Variants in ARHGAP20 observed in about 807,000 individuals in gnomAD.
ARHGAP20 encodes the protein Rho GTPase activating protein 20.
ARHGAP20 carries 34 observed loss-of-function variants against 73.7 expected under a neutral mutation model. The observed-to-expected ratio is 0.46, with a 90% CI of 0.35 to 0.61. The LOEUF (loss-of-function observed/expected upper bound fraction) is 0.61. ARHGAP20 is among the 20% of genes least tolerant of loss of function. The pLI, the probability that ARHGAP20 is intolerant of heterozygous loss-of-function variation, is 0.00. For synonymous variants in ARHGAP20, 523 were observed against 518.2 expected, an observed-to-expected ratio of 1.01 and a Z score of -0.13; for missense variants, 1,314 against 1,420.9, an observed-to-expected ratio of 0.92 and a Z score of 1.21.
intron 1 of ARHGAP20, among the ~76,000 whole-genome samples, chr11:110,707,005 T>C (rs1950562496): frequency 6.6e-6 from 1 of 152,120 alleles, no homozygotes; most frequent in South Asian, 2.1e-4. Flanking sequence ...GACACACACA[T>C]GGTCCAAGTT....
rs749349375 is a variant in ARHGAP20 at position 110,712,156 on chromosome 11, G to C, written c.76C>G (p.Arg26Gly). 3 of 1,366,270 alleles carry C rather than the reference G, an allele frequency of 2.2e-6. No homozygotes were observed. Among genetic ancestry groups the C allele is most frequent in the Non-Finnish European group, 1.9e-6 (2 of 1,054,036 alleles). 84.6% of individuals were successfully genotyped at this position (1,366,270 alleles called of 1,614,324 possible). The change falls in exon 1 of 15, where the codon CGG (arginine) becomes GGG (glycine). Residue 26 changes from arginine to glycine, a missense_variant. By Grantham distance (125) the Arg-to-Gly change is moderately radical. Transcript: ENST00000683387. ...GRSSSLTGVSRLAGGSCTKKK... is the reference protein window; with the variant it reads ...GRSSSLTGVSGLAGGSCTKKK... ...TTGGTGCAGCTGCCTCCCGCGAGCC[G>C]AGACACTCCTGTCAGGGAAGAGGAG...
At chr11:110,670,844 C>G (rs925910547) in intron 2 of ARHGAP20, among the ~76,000 whole-genome samples, 6 of 151,968 alleles carry the variant, frequency 3.9e-5, no homozygotes, top group African/African-American at 1.4e-4. Flanking sequence ...GGAGAACATT[C>G]CAATTAACTG....
chr11:110,635,907 T>C (rs2134971219), intron 2 of ARHGAP20, among the ~76,000 whole-genome samples: 1 of 152,202 alleles, frequency 6.6e-6, no homozygotes, highest in South Asian at 2.1e-4. Context: ...TTTCACTTGT[T>C]GAAACCGAGC....
rs1947313848 is a variant in ARHGAP20, at chr11:110,577,404, A to T, written c.*1966T>A. The stretch of plus-strand genomic sequence containing the variant: ...AACACAGATAGTAGGAATGGTTATT[A>T]AAAAACCTCAGCAACTATTTTCTTC... On this transcript the variant is annotated 3_prime_UTR_variant, in exon 15 of 15. Coordinates refer to ENST00000683387, the MANE Select transcript of ARHGAP20 (RefSeq NM_001384657.1). The T allele has an allele frequency of 8.7e-7, 1 of 1,153,510 alleles. No homozygotes were observed. The highest frequency in any genetic ancestry group is 1.1e-6 in the Non-Finnish European group (1 of 938,800). The allele number at this position is 1,153,510 out of a possible 1,614,324, so 71.5% of individuals were successfully genotyped here.
chr11:110,583,869 A>G (rs878982078), intron 12 of ARHGAP20, 132 bp from the exon 13 acceptor site: 2 of 673,090 alleles, frequency 3.0e-6, no homozygotes, highest in South Asian at 8.1e-5. Flanking sequence ...TTCAGTTAAC[A>G]TGGTACCATA....
At chr11:110,701,856 T>C (rs1950459829) in intron 1 of ARHGAP20, among the ~76,000 whole-genome samples, 1 of 152,126 alleles carries the variant, frequency 6.6e-6, no homozygotes, top group South Asian at 2.1e-4. Flanking sequence ...TCCCCATTGC[T>C]TGTTTTTCTC....
chr11:110,690,647 C>G lies in ARHGAP20; in HGVS notation c.106-18G>C, dbSNP rs750155363. 6.2e-7 allele frequency: 1 copy of G among 1,608,904 alleles called. No homozygotes were observed. The highest frequency in any genetic ancestry group is 1.1e-5 in the South Asian group (1 of 90,940). On this transcript the variant is annotated intron_variant, in intron 1 of 14. Transcript: ENST00000683387. ...TTCATTTTCTGTTGATGAAACAAAC[C>G]AAAATGAAGACCACATGGCTTGTAA...
chr11:110,627,625 T>C lies in ARHGAP20; in HGVS notation c.353+3003A>G, dbSNP rs550070179. Among the ~76,000 whole-genome samples the C allele has an allele frequency of 3.3e-5, 5 of 152,294 alleles. No individual in the cohort carries two copies. The South Asian group carries it at 1.0e-3, about 32-fold the overall frequency. On this transcript the variant is annotated intron_variant, in intron 3 of 14. Coordinates refer to ENST00000683387, the MANE Select transcript of ARHGAP20 (RefSeq NM_001384657.1). ...AAATATCTGATGGTAATTCTATTAA[T>C]AAATTTATTTCATCTTCTTCACCTA...
chr11:110,583,817 G>C (rs1299298875), intron 12 of ARHGAP20, 80 bp from the exon 13 acceptor site: 5 of 1,179,320 alleles, frequency 4.2e-6, no homozygotes, highest in Admixed American at 6.1e-5. Context: ...ACTTTGAATG[G>C]GGAAGAGGGA....
chr11:110,660,062 A>AAAAAAAAAAAAACAAAAAAAAAAAAAAC (rs1565463983), intron 2 of ARHGAP20, among the ~76,000 whole-genome samples: 2 of 113,186 alleles, frequency 1.8e-5, no homozygotes, highest in African/African-American at 8.9e-5. Context: ...AATAAAAAAC[A>AAAAAAAAAAAAACAAAAAAAAAAAAAAC]AAAAAAAAAA....
At chr11:110,676,430 T>C (rs1276027482) in intron 2 of ARHGAP20, among the ~76,000 whole-genome samples, 3 of 152,128 alleles carry the variant, frequency 2.0e-5, no homozygotes, top group Non-Finnish European at 4.4e-5. Flanking sequence ...AACATGTCCT[T>C]CTTTACATGG....
chr11:110,582,315 C>A lies in ARHGAP20; in HGVS notation c.1720+6G>T. ...TCACAAAAACCAATCCAATTATTCA[C>A]AATACCTGAGGCATTCTCTCTAGTG... On this transcript the variant is annotated splice_donor_region_variant and intron_variant, in intron 14 of 14. Coordinates refer to ENST00000683387, the MANE Select transcript of ARHGAP20 (RefSeq NM_001384657.1). 2 of 1,593,038 alleles carry A rather than the reference C, an allele frequency of 1.3e-6. No homozygotes were observed. The highest frequency in any genetic ancestry group is 8.6e-7 in the Non-Finnish European group (1 of 1,161,092).
intron 2 of ARHGAP20, among the ~76,000 whole-genome samples, chr11:110,671,153 T>C (rs556929942): frequency 5.3e-5 from 8 of 152,086 alleles, no homozygotes; most frequent in Admixed American, 5.2e-4. Flanking sequence ...AACTTTTCTG[T>C]AAATCTGAAA....
chr11:110,602,853 T>C (rs777775052), intron 9 of ARHGAP20, among the ~76,000 whole-genome samples: 2 of 152,204 alleles, frequency 1.3e-5, no homozygotes, highest in Non-Finnish European at 2.9e-5. Context: ...AGAATTAACC[T>C]TGAATAGTCT....
intron 2 of ARHGAP20, among the ~76,000 whole-genome samples, chr11:110,681,274 G>T (rs143084539): frequency 0.013 from 2,026 of 152,216 alleles, 43 homozygotes; most frequent in African/African-American, 0.045. Context: ...TTCCTCTAAA[G>T]TTCAAAATTT....
chr11:110,711,860 T>C, intron 1 of ARHGAP20: 1 of 1,316,854 alleles, frequency 7.6e-7, no homozygotes, highest in Non-Finnish European at 9.6e-7. Context: ...CGGCGGCGGA[T>C]GGAGACGGGA....
At chr11:110,676,628 C>G (rs1193288576) in intron 2 of ARHGAP20, among the ~76,000 whole-genome samples, 1 of 152,152 alleles carries the variant, frequency 6.6e-6, no homozygotes, top group Admixed American at 6.5e-5. Context: ...GGTGGGGAAA[C>G]AGCCAAACCA....
At chr11:110,629,897 C>T (rs954500626) in intron 3 of ARHGAP20, among the ~76,000 whole-genome samples, 11 of 152,224 alleles carry the variant, frequency 7.2e-5, no homozygotes, top group African/African-American at 2.7e-4. Flanking sequence ...TCCAGTGAAA[C>T]ACTCTCAGAC....
chr11:110,589,833 G>T, intron 11 of ARHGAP20: 1 of 616,510 alleles, frequency 1.6e-6, no homozygotes, highest in Non-Finnish European at 2.0e-6. Flanking sequence ...AAAGTAAAAG[G>T]CATTAGGCTG....
Sources: gnomAD v4.1 joint callset for allele counts (sites outside exome capture counted in the v4.1 genomes callset) on GRCh38, gnomAD v4.1.1 for gene constraint, MANE v1.5 for transcripts, NCBI Gene and HGNC (gene_info 2026-07-23, HGNC 2026-07-21) for gene names.